The following SH2B1 variants were observed in gnomAD, a reference collection of about 807,000 sequenced individuals.
SH2B1 encodes the protein SH2B adaptor protein 1, also known as SH2B adapter protein 1.
A neutral mutation model predicts 62.6 loss-of-function variants in SH2B1; 15 were observed. The observed-to-expected ratio is 0.24, with a 90% CI of 0.16 to 0.37. The LOEUF is 0.37. Ranked by LOEUF, SH2B1 falls within the 10% of genes least tolerant of loss-of-function variation. The probability of loss-of-function intolerance (pLI) is 1.00; values close to 1 mark genes in which losing one functional copy is unlikely to be tolerated. For missense variants in SH2B1, 925 were observed against 1,015.6 expected (o/e 0.91, Z 1.21); for synonymous variants, 443 against 438.0 (o/e 1.01, Z -0.14).
In SH2B1 at chr16:28,866,316, G is replaced by A. The variant is rs200897662; in HGVS notation, c.222G>A (p.Gln74=). ...FSRRFAELFL[Q]HFEAEVARAS... is the part of the protein sequence containing the mutation. ...GCCGTTTTGCTGAGCTCTTCCTGCA[G>A]CACTTTGAAGCCGAGGTGGCCCGGG... The change falls in exon 1 of 8, where the codon CAG becomes CAA. Residue 74 remains glutamine (Q), a synonymous_variant. Transcript: ENST00000684370. The surrounding 1 kb of genome is among the most constrained non-coding windows in gnomAD (Gnocchi z 6.3). 3.0e-4 allele frequency: 487 copies of A among 1,611,652 alleles called. 1 individual carries two copies. Among genetic ancestry groups the A allele is most frequent in the Non-Finnish European group, 3.9e-4 (462 of 1,179,584 alleles).
chr16:28,872,657 A>G lies in SH2B1; in HGVS notation c.1849A>G (p.Ser617Gly). 1 of 1,614,168 alleles carries G rather than the reference A, an allele frequency of 6.2e-7. No homozygotes were observed. Among genetic ancestry groups the G allele is most frequent in the Non-Finnish European group, 8.5e-7 (1 of 1,180,024 alleles). ...CATCCCTTTGGAGTCGGGAGGCTCCAGTGATGTTGTCCTTGTCAGCTATGT... is the reference window on the plus strand; with the variant it reads ...CATCCCTTTGGAGTCGGGAGGCTCCGGTGATGTTGTCCTTGTCAGCTATGT... ...HPIPLESGGS[S>G]DVVLVSYVPS... Residue 617 changes from serine (S) to glycine (G), a missense_variant, in exon 7 of 8, where the codon AGT (serine) becomes GGT (glycine). This residue lies in a region of SH2B1 where 185 missense variants were observed against 189.5 expected (regional missense o/e 0.98). Transcript: ENST00000684370. The surrounding 1 kb of genome is among the most constrained non-coding windows in gnomAD (Gnocchi z 5.3).
At chr16:28,857,521 A>G (rs910167313) in intron 1 of SH2B1, among the ~76,000 whole-genome samples, 2 of 152,136 alleles carry the variant, frequency 1.3e-5, no homozygotes, top group African/African-American at 4.8e-5. Flanking sequence ...TTAAATAAAA[A>G]CAATGACTCA....
upstream of SH2B1, among the ~76,000 whole-genome samples, chr16:28,860,263 T>C (rs1251459702): frequency 1.3e-5 from 2 of 151,274 alleles, no homozygotes; most frequent in African/African-American, 4.9e-5. Flanking sequence ...TTTTTTTTTT[T>C]TTTTTTACGA....
At position 28,871,975 on chromosome 16, in the gene SH2B1, C is replaced by A; in HGVS notation, c.1505C>A (p.Thr502Lys). Reference sequence around the variant, plus strand: ...TACCCTCCCTTGGACACTCCGGAAACAGCCACAGGTACCGGAGGTGTGAGT... The same window carrying A: ...TACCCTCCCTTGGACACTCCGGAAAAAGCCACAGGTACCGGAGGTGTGAGT... ...APYPPLDTPE[T>K]ATGSFLFQGE... Residue 502 changes from threonine (T) to lysine (K), a missense_variant, in exon 5 of 8, where the codon ACA becomes AAA. Thr to Lys is a moderately conservative substitution (Grantham distance 78). This residue lies in a region of SH2B1 where 683 missense variants were observed against 704.0 expected (regional missense o/e 0.97). Coordinates refer to ENST00000684370, the MANE Select transcript of SH2B1 (RefSeq NM_001387430.1). The A allele has an allele frequency of 6.3e-7, 1 of 1,599,888 alleles. No homozygotes were observed. Among genetic ancestry groups the A allele is most frequent in the Non-Finnish European group, 8.6e-7 (1 of 1,167,538 alleles).
chr16:28,872,712 A>G lies in SH2B1; in HGVS notation c.1897+7A>G. The G allele has an allele frequency of 3.7e-6, 6 of 1,614,136 alleles. No individual in the cohort carries two copies. The highest frequency in any genetic ancestry group is 5.1e-6 in the Non-Finnish European group (6 of 1,180,000). On this transcript the variant is annotated splice_region_variant and intron_variant, in intron 7 of 7. Transcript: ENST00000684370. This position sits in a 1 kb window ranked among gnomAD's most constrained non-coding sequence, Gnocchi z 5.3. The stretch of plus-strand genomic sequence containing the variant: ...TCCTCCCAGCGACAGCAGGGTGAGC[A>G]GAGCAGGTCTGCAGGGGAGGAGGTG...
At chr16:28,870,471 G>C (rs1188792540) in intron 4 of SH2B1, among the ~76,000 whole-genome samples, 3 of 152,150 alleles carry the variant, frequency 2.0e-5, no homozygotes, top group Non-Finnish European at 4.4e-5. Context: ...GAGGGCCCAG[G>C]ATATGGGGAC....
At chr16:28,852,303 C>CATATATATATTTACAT (rs1962129119) in intron 1 of SH2B1, among the ~76,000 whole-genome samples, 1 of 53,028 alleles carries the variant, frequency 1.9e-5, no homozygotes, top group Non-Finnish European at 3.4e-5. Context: ...TATATATTTA[C>CATATATATATTTACAT]ATATATATAT....
upstream of SH2B1, among the ~76,000 whole-genome samples, chr16:28,860,812 A>C (rs1239419455): frequency 8.4e-5 from 1 of 11,840 alleles, no homozygotes; most frequent in African/African-American, 3.5e-4. Context: ...AGGACTCCAG[A>C]TTTGTTTTTT....
chr16:28,863,435 C>T (rs1962518642), upstream of SH2B1: 1 of 459,526 alleles, frequency 2.2e-6, no homozygotes, highest in Admixed American at 3.9e-5. Context: ...GTCCGCGTGC[C>T]CCTCCACAGC....
At chr16:28,860,867 AG>A (rs940935253), upstream of SH2B1, among the ~76,000 whole-genome samples, 9 of 151,520 alleles carry the variant, frequency 5.9e-5, no homozygotes, top group African/African-American at 2.2e-4. Flanking sequence ...CCCAGTCTGG[AG>A]TGCAGTGGCA....
Position 28,866,951 on chromosome 16 carries a change from A to T in SH2B1, c.857A>T (p.Gln286Leu). 1 of 1,608,778 alleles carries T rather than the reference A, an allele frequency of 6.2e-7. No individual in the cohort carries two copies. Among genetic ancestry groups the T allele is most frequent in the Non-Finnish European group, 8.5e-7 (1 of 1,179,962 alleles). The change falls in exon 1 of 8, where the codon CAG becomes CTG. Residue 286 changes from glutamine (Q) to leucine (L), a missense_variant. Coordinates refer to ENST00000684370, the MANE Select transcript of SH2B1 (RefSeq NM_001387430.1). The surrounding 1 kb of genome is among the most constrained non-coding windows in gnomAD (Gnocchi z 6.3). ...CCTTCAGGGGGAGGAGGGCAGCCTCAGTGGCAGAAGTGTCGCCTGCTGCTT... is the reference window on the plus strand; with the variant it reads ...CCTTCAGGGGGAGGAGGGCAGCCTCTGTGGCAGAAGTGTCGCCTGCTGCTT... ...GPPSGGGGQP[Q>L]WQKCRLLLRS...
chr16:28,868,211 C>G (rs1161786375), intron 2 of SH2B1, among the ~76,000 whole-genome samples: 1 of 151,870 alleles, frequency 6.6e-6, no homozygotes, highest in African/African-American at 2.4e-5. Flanking sequence ...GCGATCTCGA[C>G]TCACTGCAAG....
At chr16:28,849,568 AAC>A (rs1295652770) in intron 1 of SH2B1, among the ~76,000 whole-genome samples, 1 of 152,198 alleles carries the variant, frequency 6.6e-6, no homozygotes, top group Non-Finnish European at 1.5e-5. Context: ...CTTGAAAAAA[AAC>A]TGGCATAATA....
At chr16:28,860,658 C>A (rs572878423), upstream of SH2B1, among the ~76,000 whole-genome samples, 17 of 152,284 alleles carry the variant, frequency 1.1e-4, no homozygotes, top group African/African-American at 4.1e-4. Flanking sequence ...CTTCTAGAGA[C>A]CATGGCAGCA....
chr16:28,869,502 C>A, intron 4 of SH2B1, 119 bp downstream of exon 4: 1 of 857,744 alleles, frequency 1.2e-6, no homozygotes, highest in Non-Finnish European at 1.8e-6. Context: ...TCCAGATGCC[C>A]TACCCCAACC....
In SH2B1 at chr16:28,864,223, A is replaced by C; in HGVS notation, c.-1872A>C. The C allele has an allele frequency of 9.9e-7, 1 of 1,013,094 alleles. No homozygotes were observed. Among genetic ancestry groups the C allele is most frequent in the Non-Finnish European group, 1.2e-6 (1 of 847,224 alleles). 62.8% of individuals were successfully genotyped at this position (1,013,094 alleles called of 1,614,324 possible). A position where few individuals can be genotyped will look rare whatever the true frequency, so the allele number is the denominator to read the frequency against. On this transcript the variant is annotated 5_prime_UTR_variant, in exon 1 of 8. Coordinates refer to ENST00000684370, the MANE Select transcript of SH2B1 (RefSeq NM_001387430.1). ...GCCGAGAGCGGAGCCTGCACCCTCC[A>C]CCTCCCGCCCTTCGGGAAATATCAG...
Position 28,867,024 on chromosome 16 carries a change from A to G in SH2B1, c.930A>G (p.Val310=), listed in dbSNP as rs1456387513. ...GAGGAAGTCGCCTGGAGTTCTTTGT[A>G]CCACCCAAGGTGAGGCCCCTTGGAG... ...GGGGSRLEFF[V]PPKASRPRLS... is the part of the protein sequence containing the mutation. Residue 310 remains valine (V), a synonymous_variant, in exon 1 of 8, where the codon GTA becomes GTG. Transcript: ENST00000684370. The G allele has an allele frequency of 6.3e-7, 1 of 1,599,368 alleles. No homozygotes were observed. Among genetic ancestry groups the G allele is most frequent in the Non-Finnish European group, 8.5e-7 (1 of 1,179,924 alleles).
intron 1 of SH2B1, among the ~76,000 whole-genome samples, chr16:28,849,440 T>C (rs1962050897): frequency 6.6e-6 from 1 of 152,208 alleles, no homozygotes; most frequent in African/African-American, 2.4e-5. Flanking sequence ...GTCACTGTAC[T>C]CCTAGGAATT....
chr16:28,857,602 A>G (rs2152162908), intron 1 of SH2B1, among the ~76,000 whole-genome samples: 1 of 152,282 alleles, frequency 6.6e-6, no homozygotes, highest in Non-Finnish European at 1.5e-5. Flanking sequence ...CAGCCAATGA[A>G]GAGACACACA....
Sources: gnomAD v4.1 joint callset for allele counts (sites outside exome capture counted in the v4.1 genomes callset) on GRCh38, gnomAD v4.1.1 for gene constraint, gnomAD v4.1.1 regional missense constraint, Gnocchi (gnomAD v3.1) non-coding constraint, MANE v1.5 for transcripts, NCBI Gene and HGNC (gene_info 2026-07-23, HGNC 2026-07-21) for gene names.